Variants in KALRN observed in about 807,000 individuals in gnomAD.
KALRN encodes the protein kalirin.
In KALRN, 70 loss-of-function variants were observed where a neutral mutation model predicts 353.7. The ratio of observed to expected loss-of-function variants is 0.20; its 90% CI spans 0.16 to 0.24. The LOEUF (loss-of-function observed/expected upper bound fraction) is 0.24, where lower values mean the gene tolerates loss of function less well. Ranked by LOEUF, KALRN falls within the 10% of genes least tolerant of loss-of-function variation. The pLI, the probability that KALRN is intolerant of heterozygous loss-of-function variation, is 1.00. For missense variants in KALRN, 2,791 were observed against 3,756.7 expected (o/e 0.74, Z 6.72); for synonymous variants, 1,391 against 1,434.8 (o/e 0.97, Z 0.69).
chr3:124,305,041 A>T (rs1454855699), intron 6 of KALRN, among the ~76,000 whole-genome samples: 2 of 152,190 alleles, frequency 1.3e-5, no homozygotes, highest in Non-Finnish European at 2.9e-5. Context: ...GAGGCTATTC[A>T]TCTCACTCCA....
At chr3:124,206,952 G>C (rs139991204) in intron 1 of KALRN, among the ~76,000 whole-genome samples, 160 of 152,300 alleles carry the variant, frequency 1.1e-3, no homozygotes, top group African/African-American at 3.8e-3. Flanking sequence ...CAGAACATTG[G>C]CGTTGGCACT....
At chr3:124,259,797 G>A (rs2072582245) in intron 3 of KALRN, among the ~76,000 whole-genome samples, 1 of 152,152 alleles carries the variant, frequency 6.6e-6, no homozygotes, top group African/African-American at 2.4e-5. Flanking sequence ...TAAGTGCTAA[G>A]GAGAAAAATA....
rs776383287 is a variant in KALRN, at chr3:124,285,074, T to A, written c.970-13717T>A. On this transcript the variant is annotated intron_variant, in intron 5 of 59. Transcript: ENST00000682506. ...GGAGAAACACAGACATTGACTTCTG[T>A]TTCCCAGAAGCTCTAAGCAAATCTC... 1.2e-4 allele frequency among the ~76,000 whole-genome samples: 18 copies of A among 152,290 alleles called. No homozygotes were observed. In the South Asian group the frequency reaches 1.5e-3, roughly 12 times the overall value.
At chr3:124,576,001 C>T (rs756298052) in intron 34 of KALRN, among the ~76,000 whole-genome samples, 1 of 152,032 alleles carries the variant, frequency 6.6e-6, no homozygotes. Context: ...CTCACTGAGC[C>T]ATTACCAATC....
chr3:124,354,523 C>T (rs931986584), intron 10 of KALRN, among the ~76,000 whole-genome samples: 6 of 151,882 alleles, frequency 4.0e-5, no homozygotes, highest in African/African-American at 1.5e-4. Flanking sequence ...CCCAGTGAAG[C>T]CAAAATCAGA....
Position 124,679,871 on chromosome 3 carries a change from C to T in KALRN, c.7377+354C>T, listed in dbSNP as rs1014331453. 2.1e-5 allele frequency: 7 copies of T among 334,138 alleles called. No homozygotes were observed. In the East Asian group the frequency reaches 3.8e-4, roughly 18 times the overall value. The allele number at this position is 334,138 out of a possible 1,614,324, so 20.7% of individuals were successfully genotyped here. The stretch of plus-strand genomic sequence containing the variant: ...ACAGCACTGTAAAGAGTGGATGAGT[C>T]CCAGCTAAATGACAAGGACTCATTT... On this transcript the variant is annotated intron_variant, in intron 51 of 59. Coordinates refer to ENST00000682506, the MANE Select transcript of KALRN (RefSeq NM_001388419.1).
chr3:124,671,969 G>A (rs1230896214), intron 48 of KALRN, 71 bp downstream of exon 48: 2 of 1,174,922 alleles, frequency 1.7e-6, no homozygotes, highest in South Asian at 2.6e-5. Context: ...TTTAGGAAGA[G>A]AAGGAGTCTC....
intron 6 of KALRN, among the ~76,000 whole-genome samples, chr3:124,320,035 T>C (rs2079170051): frequency 6.6e-6 from 1 of 152,112 alleles, no homozygotes; most frequent in Admixed American, 6.6e-5. Context: ...TAACTGGTAG[T>C]ATTTGGGTGT....
chr3:124,338,251 C>T (rs995065235), intron 9 of KALRN, among the ~76,000 whole-genome samples: 12 of 152,062 alleles, frequency 7.9e-5, no homozygotes, highest in Admixed American at 7.9e-4. Context: ...TAGATCTTTC[C>T]CGCTTTCTCC....
chr3:124,171,357 C>G (rs1294946625), intron 1 of KALRN, among the ~76,000 whole-genome samples: 2 of 152,280 alleles, frequency 1.3e-5, no homozygotes, highest in Non-Finnish European at 2.9e-5. Context: ...GCTTTACTGA[C>G]AAGTCTGGCA....
chr3:124,179,883 G>C (rs766685838), intron 1 of KALRN, among the ~76,000 whole-genome samples: 1 of 152,100 alleles, frequency 6.6e-6, no homozygotes. Flanking sequence ...ACCTAGTTTC[G>C]GACCGAGGCT....
intron 5 of KALRN, among the ~76,000 whole-genome samples, chr3:124,270,395 C>T (rs961860573): frequency 7.2e-5 from 11 of 152,080 alleles, no homozygotes; most frequent in African/African-American, 2.4e-4. Context: ...AATATAACTG[C>T]AAGAAAATTT....
chr3:124,097,421 A>T (rs2061526027), intron 1 of KALRN, among the ~76,000 whole-genome samples: 1 of 152,324 alleles, frequency 6.6e-6, no homozygotes, highest in Middle Eastern at 3.4e-3. Context: ...TGCCCTCATC[A>T]TTGTCGTGCC....
At chr3:124,490,544 A>G (rs898663411) in intron 29 of KALRN, 150 bp from the exon 30 acceptor site, 20 of 638,200 alleles carry the variant, frequency 3.1e-5, no homozygotes, top group Non-Finnish European at 5.1e-5. Flanking sequence ...GGAAGTGTTC[A>G]GCAGTCTCTG....
intron 33 of KALRN, among the ~76,000 whole-genome samples, chr3:124,511,036 A>G (rs1211841421): frequency 2.0e-5 from 3 of 151,990 alleles, no homozygotes; most frequent in African/African-American, 4.8e-5. Flanking sequence ...GCTGGTTTTC[A>G]TATCTGGAAA....
intron 1 of KALRN, among the ~76,000 whole-genome samples, chr3:124,109,285 AT>A (rs374555362): frequency 7.2e-4 from 109 of 151,822 alleles, no homozygotes; most frequent in African/African-American, 2.5e-3. Context: ...TATTCTAGAT[AT>A]TTTTATCTCC....
At chr3:124,536,427 C>G (rs2068526720) in intron 33 of KALRN, among the ~76,000 whole-genome samples, 1 of 152,128 alleles carries the variant, frequency 6.6e-6, no homozygotes, top group South Asian at 2.1e-4. Flanking sequence ...GTCTTGAACT[C>G]CTGACCTCAG....
chr3:124,450,382 A>G (rs1419945536), intron 21 of KALRN, among the ~76,000 whole-genome samples: 1 of 152,208 alleles, frequency 6.6e-6, no homozygotes, highest in Non-Finnish European at 1.5e-5. Flanking sequence ...ATTCATCTTG[A>G]CAAAAGAAAA....
intron 13 of KALRN, among the ~76,000 whole-genome samples, chr3:124,412,188 C>T (rs148580795): frequency 2.3e-3 from 352 of 152,294 alleles, no homozygotes; most frequent in African/African-American, 8.3e-3. Context: ...ATAAGAGCAC[C>T]GCTCCCACTT....
Sources: allele counts gnomAD v4.1 joint callset (sites outside exome capture counted in the v4.1 genomes callset), GRCh38; gene constraint gnomAD v4.1.1; transcripts MANE v1.5; gene names NCBI Gene and HGNC (gene_info 2026-07-23, HGNC 2026-07-21).